Variants in AKAP11 observed in about 807,000 individuals in gnomAD.
AKAP11 encodes the protein A-kinase anchoring protein 11.
A neutral mutation model predicts 146.1 loss-of-function variants in AKAP11; 36 were observed. The observed-to-expected ratio is 0.25, with a 90% CI of 0.19 to 0.33. The LOEUF (loss-of-function observed/expected upper bound fraction) is 0.33, where lower values mean the gene tolerates loss of function less well. Ranked by LOEUF, AKAP11 falls within the 10% of genes least tolerant of loss-of-function variation. The probability of loss-of-function intolerance (pLI) is 1.00; values close to 1 mark genes in which losing one functional copy is unlikely to be tolerated. For missense variants in AKAP11, 2,201 were observed against 2,197.0 expected (o/e 1.00, Z -0.04); for synonymous variants, 780 against 786.5 (o/e 0.99, Z 0.14).
chr13:42,301,323 G>A lies in AKAP11; in HGVS notation c.2577G>A (p.Met859Ile). The A allele has an allele frequency of 6.2e-7, 1 of 1,613,952 alleles. No homozygotes were observed. Among genetic ancestry groups the A allele is most frequent in the Non-Finnish European group, 8.5e-7 (1 of 1,179,968 alleles). The change falls in exon 8 of 13, where the codon ATG (methionine) becomes ATA (isoleucine). Residue 859 changes from methionine to isoleucine, a missense_variant. By Grantham distance (10) the Met-to-Ile change is conservative (BLOSUM62 1). This residue lies in a region of AKAP11 where 1,867 missense variants were observed against 1,833.5 expected (regional missense o/e 1.02). Transcript: ENST00000025301. ...DFKPTNDDIE[M>I]QSSSKLPNDP... is the part of the protein sequence containing the mutation. ...AACCAACTAATGACGATATTGAAAT[G>A]CAGAGTTCCTCAAAATTACCAAATG...
At position 42,322,685 on chromosome 13, in the gene AKAP11, A is replaced by C. The variant is rs150125876; in HGVS notation, c.*3457A>C. 7.6e-3 allele frequency: 1,160 copies of C among 152,560 alleles called. 9 individuals are homozygous for C. The highest frequency in any genetic ancestry group is 0.017 in the Middle Eastern group (5 of 294). The allele number at this position is 152,560 out of a possible 1,614,324, so 9.5% of individuals were successfully genotyped here. A position where few individuals can be genotyped will look rare whatever the true frequency, so the allele number is the denominator to read the frequency against. ...GATGCATTTTTTCTCATTTTCAGCA[A>C]GACTCCTCTAAGCATTTACTCATTT... On this transcript the variant is annotated 3_prime_UTR_variant, in exon 13 of 13. Coordinates refer to ENST00000025301, the MANE Select transcript of AKAP11 (RefSeq NM_016248.4).
Position 42,302,524 on chromosome 13 carries a change from G to A in AKAP11, c.3778G>A (p.Ala1260Thr). The change falls in exon 8 of 13, where the codon GCG (alanine) becomes ACG (threonine). Residue 1260 changes from alanine (A) to threonine (T), a missense_variant. Coordinates refer to ENST00000025301, the MANE Select transcript of AKAP11 (RefSeq NM_016248.4). The stretch of plus-strand genomic sequence containing the variant: ...AAATTTGAAAACATTATGCAATTTT[G>A]CGGGTGATCTGGCAGCAGAAGTCAT... Reference protein sequence around the residue: ...DENLKTLCNFAGDLAAEVITE... With the variant: ...DENLKTLCNFTGDLAAEVITE... 1.2e-6 allele frequency: 2 copies of A among 1,614,122 alleles called. No individual in the cohort carries two copies. Among genetic ancestry groups the A allele is most frequent in the Non-Finnish European group, 1.7e-6 (2 of 1,180,020 alleles).
chr13:42,303,074 C>A lies in AKAP11; in HGVS notation c.4328C>A (p.Thr1443Asn), dbSNP rs758981705. 2.8e-5 allele frequency: 45 copies of A among 1,613,280 alleles called. No homozygotes were observed. The highest frequency in any genetic ancestry group is 3.8e-5 in the Non-Finnish European group (45 of 1,179,924). ...YFCKNQTCER[T>N]LDPYRNEVSQ... is the part of the protein sequence containing the mutation. ...TGTAAAAATCAAACTTGTGAAAGGA[C>A]CCTGGATCCATATAGAAATGAGGTC... The change falls in exon 8 of 13, where the codon ACC becomes AAC. Residue 1443 changes from threonine to asparagine, a missense_variant. This residue lies in a region of AKAP11 where 1,867 missense variants were observed against 1,833.5 expected (regional missense o/e 1.02). Transcript: ENST00000025301.
intron 9 of AKAP11, among the ~76,000 whole-genome samples, chr13:42,311,544 G>C (rs988280101): frequency 6.6e-6 from 1 of 151,922 alleles, no homozygotes; most frequent in African/African-American, 2.4e-5. Context: ...AAAGAGGGAG[G>C]GGTGATAAGG....
rs1257323608 is a variant in AKAP11, at chr13:42,298,607, T to C, written c.426T>C (p.Phe142=). The C allele has an allele frequency of 2.5e-6, 4 of 1,612,508 alleles. No homozygotes were observed. Among genetic ancestry groups the C allele is most frequent in the Non-Finnish European group, 3.4e-6 (4 of 1,179,362 alleles). The change falls in exon 7 of 13, where the codon TTT becomes TTC. Residue 142 remains phenylalanine (F), a synonymous_variant. Coordinates refer to ENST00000025301, the MANE Select transcript of AKAP11 (RefSeq NM_016248.4). Reference sequence around the variant, plus strand: ...CAAGACTTAGGATTGATTTTATCTTTAGTCTCCTAAGTAAATATGCTACTG... The same window carrying C: ...CAAGACTTAGGATTGATTTTATCTTCAGTCTCCTAAGTAAATATGCTACTG... ...TSPRLRIDFI[F]SLLSKYATGI...
intron 3 of AKAP11, among the ~76,000 whole-genome samples, chr13:42,287,189 A>G (rs1383289206): frequency 6.6e-6 from 1 of 152,166 alleles, no homozygotes; most frequent in Non-Finnish European, 1.5e-5. Flanking sequence ...GAGCTAAAAG[A>G]TGTATAGGTT....
chr13:42,283,873 T>C (rs1365715484), intron 1 of AKAP11, among the ~76,000 whole-genome samples: 1 of 152,236 alleles, frequency 6.6e-6, no homozygotes, highest in African/African-American at 2.4e-5. Flanking sequence ...ATGGCTGCCA[T>C]GGCGTCATTG....
chr13:42,285,147 C>T (rs1959141943), intron 1 of AKAP11, among the ~76,000 whole-genome samples: 1 of 152,158 alleles, frequency 6.6e-6, no homozygotes. Context: ...TATAAATCTC[C>T]TCATAGTATA....
intron 8 of AKAP11, among the ~76,000 whole-genome samples, chr13:42,306,878 A>C (rs914617116): frequency 6.6e-6 from 1 of 152,184 alleles, no homozygotes; most frequent in African/African-American, 2.4e-5. Context: ...TAGAGATGAG[A>C]TCTCACTATG....
chr13:42,279,209 C>T (rs554795300), intron 1 of AKAP11, among the ~76,000 whole-genome samples: 16 of 85,282 alleles, frequency 1.9e-4, no homozygotes, highest in Admixed American at 6.1e-4. Context: ...GCTATTTTGT[C>T]TTCAAATTTT....
chr13:42,303,510 A>T lies in AKAP11; in HGVS notation c.4764A>T (p.Arg1588Ser). 1.9e-6 allele frequency: 3 copies of T among 1,614,238 alleles called. No homozygotes were observed. Among genetic ancestry groups the T allele is most frequent in the Middle Eastern group, 1.6e-4 (1 of 6,062 alleles). The change falls in exon 8 of 13, where the codon AGA becomes AGT. Residue 1588 changes from arginine (R) to serine (S), a missense_variant. By Grantham distance (110) the Arg-to-Ser change is moderately radical. Transcript: ENST00000025301. ...CACCTCTTACAGGTCAAGCTTGCAG[A>T]TACTGTGACCTTAAAGAACTCCACA... ...KLSPLTGQAC[R>S]YCDLKELHNC...
intron 1 of AKAP11, among the ~76,000 whole-genome samples, chr13:42,279,540 A>G (rs1032943011): frequency 1.3e-5 from 2 of 152,030 alleles, no homozygotes; most frequent in Non-Finnish European, 2.9e-5. Context: ...TAAAAGTTCA[A>G]TTTTGGTGTC....
chr13:42,305,653 G>C (rs892122861), intron 8 of AKAP11, among the ~76,000 whole-genome samples: 1 of 152,118 alleles, frequency 6.6e-6, no homozygotes, highest in Non-Finnish European at 1.5e-5. Flanking sequence ...CATTTCTGTG[G>C]CTGCCTTTGT....
At chr13:42,298,904 C>G (rs1959678000) in intron 7 of AKAP11, 107 bp downstream of exon 7, 2 of 1,160,446 alleles carry the variant, frequency 1.7e-6, no homozygotes, top group African/African-American at 1.6e-5. Context: ...AGATTTGATT[C>G]AATTTAAACC....
Position 42,321,759 on chromosome 13 carries a change from C to T in AKAP11, c.*2531C>T, listed in dbSNP as rs1961096237. On this transcript the variant is annotated 3_prime_UTR_variant, in exon 13 of 13. Transcript: ENST00000025301. ...CTTATTTTATTACAAATTGGCTTGACATATTTATACTGTAACATTGTAATA... is the reference window on the plus strand; with the variant it reads ...CTTATTTTATTACAAATTGGCTTGATATATTTATACTGTAACATTGTAATA... The T allele has an allele frequency of 6.6e-6, 1 of 152,276 alleles. No homozygotes were observed. Among genetic ancestry groups the T allele is most frequent in the African/African-American group, 2.4e-5 (1 of 41,452 alleles). 9.4% of individuals were successfully genotyped at this position (152,276 alleles called of 1,614,324 possible).
chr13:42,292,315 C>A, intron 3 of AKAP11, 70 bp from the exon 4 acceptor site: 1 of 925,012 alleles, frequency 1.1e-6, no homozygotes, highest in Non-Finnish European at 1.6e-6. Context: ...TCTAAAACAT[C>A]TCCAGGATCT....
At chr13:42,271,911 C>T (rs1451865485), upstream of AKAP11, among the ~76,000 whole-genome samples, 3 of 151,668 alleles carry the variant, frequency 2.0e-5, no homozygotes, top group Non-Finnish European at 4.4e-5. Context: ...GGCTTTTTTT[C>T]CTGTTCCTTC....
chr13:42,298,869 G>T lies in AKAP11; in HGVS notation c.616+72G>T, dbSNP rs529630203. 52 of 1,436,938 alleles carry T rather than the reference G, an allele frequency of 3.6e-5. No homozygotes were observed. The African/African-American group carries it at 4.6e-4, about 13-fold the overall frequency. 89.0% of individuals were successfully genotyped at this position (1,436,938 alleles called of 1,614,324 possible). On this transcript the variant is annotated intron_variant, in intron 7 of 12. Transcript: ENST00000025301. ...TTCAGTTTTGAAAATTTTAAGGCAG[G>T]CTTGTTCAGTTGAAATTTATGTTGA... is the stretch of plus-strand genomic sequence containing the variant.
At chr13:42,313,722 C>G in intron 10 of AKAP11, among the ~76,000 whole-genome samples, 172 bp from the exon 11 acceptor site, 1 of 152,178 alleles carries the variant, frequency 6.6e-6, no homozygotes, top group Non-Finnish European at 1.5e-5. Context: ...CAGATTTTAA[C>G]ATGAAATGAT....
Sources: allele counts gnomAD v4.1 joint callset (sites outside exome capture counted in the v4.1 genomes callset), GRCh38; gene constraint gnomAD v4.1.1; regional missense constraint gnomAD v4.1.1; transcripts MANE v1.5; gene names NCBI Gene and HGNC (gene_info 2026-07-23, HGNC 2026-07-21).